The following SGCZ variants were observed in gnomAD, a reference collection of about 807,000 sequenced individuals.
The protein encoded by SGCZ is sarcoglycan zeta, also known as zeta-sarcoglycan.
SGCZ carries 40 observed loss-of-function variants against 41.3 expected under a neutral mutation model. The ratio of observed to expected loss-of-function variants is 0.97; its 90% CI spans 0.75 to 1.26. SGCZ has a LOEUF of 1.26. Among genes scored for constraint, SGCZ ranks in the 50% most tolerant of loss-of-function variants. The pLI, the probability that SGCZ is intolerant of heterozygous loss-of-function variation, is 0.00. For missense variants in SGCZ, 552 were observed against 369.8 expected (o/e 1.49, Z -4.04); for synonymous variants, 206 against 137.5 (o/e 1.50, Z -3.49).
At chr8:14,329,042 TG>T (rs1802223614) in intron 2 of SGCZ, among the ~76,000 whole-genome samples, 1 of 150,918 alleles carries the variant, frequency 6.6e-6, no homozygotes, top group South Asian at 2.1e-4. Context: ...CCTTCAAAAC[TG>T]TAAGAAAATA....
intron 1 of SGCZ, among the ~76,000 whole-genome samples, chr8:14,757,990 A>T (rs1390900350): frequency 6.6e-6 from 1 of 152,172 alleles, no homozygotes; most frequent in Non-Finnish European, 1.5e-5. Context: ...ATATATGTAT[A>T]TACCCATGTA....
intron 1 of SGCZ, among the ~76,000 whole-genome samples, chr8:15,105,798 T>C (rs1026088069): frequency 1.3e-5 from 2 of 152,176 alleles, no homozygotes; most frequent in Non-Finnish European, 2.9e-5. Context: ...CTTACCAAAA[T>C]TGGTTTCTAT....
At chr8:14,377,066 T>G (rs998249350) in intron 2 of SGCZ, among the ~76,000 whole-genome samples, 2 of 152,154 alleles carry the variant, frequency 1.3e-5, no homozygotes, top group Non-Finnish European at 2.9e-5. Flanking sequence ...AAGGTGACTC[T>G]TGATGGGCCC....
At chr8:14,853,859 C>A (rs906860338) in intron 1 of SGCZ, among the ~76,000 whole-genome samples, 13 of 151,674 alleles carry the variant, frequency 8.6e-5, no homozygotes, top group African/African-American at 2.9e-4. Flanking sequence ...TCCCAATATC[C>A]AATGCTTTCA....
At position 14,976,055 on chromosome 8, in the gene SGCZ, A is replaced by G. The variant is rs994777422; in HGVS notation, c.39+261530T>C. Among the ~76,000 whole-genome samples, 10 of 148,738 alleles carry G rather than the reference A, an allele frequency of 6.7e-5. 1 individual carries two copies. In the South Asian group the frequency reaches 2.1e-3, roughly 32 times the overall value. Reference sequence around the variant, plus strand: ...TTTTTTTTTCTGAGATGGAGCCTCAATCTGTCGCTCAAGCTGTAGTGCAGT... The same window carrying G: ...TTTTTTTTTCTGAGATGGAGCCTCAGTCTGTCGCTCAAGCTGTAGTGCAGT... On this transcript the variant is annotated intron_variant, in intron 1 of 7. Coordinates refer to ENST00000382080, the MANE Select transcript of SGCZ (RefSeq NM_139167.4).
chr8:14,347,921 A>T (rs1312537715), intron 2 of SGCZ, among the ~76,000 whole-genome samples: 1 of 152,124 alleles, frequency 6.6e-6, no homozygotes. Flanking sequence ...TATTTTCTCT[A>T]AACTGAGAAT....
chr8:15,222,545 T>C (rs1414561468), intron 1 of SGCZ, among the ~76,000 whole-genome samples: 1 of 152,248 alleles, frequency 6.6e-6, no homozygotes, highest in Non-Finnish European at 1.5e-5. Context: ...GTATTAGCTT[T>C]TACCAGTAGT....
chr8:14,498,617 CCTTTT>C (rs1473559933), intron 2 of SGCZ, among the ~76,000 whole-genome samples: 6 of 151,962 alleles, frequency 3.9e-5, no homozygotes, highest in Middle Eastern at 6.8e-3. Context: ...TTCCTTATTT[CCTTTT>C]AACTTTTTCT....
intron 4 of SGCZ, among the ~76,000 whole-genome samples, chr8:14,196,456 T>C (rs1038884926): frequency 6.6e-5 from 10 of 152,112 alleles, no homozygotes; most frequent in Admixed American, 1.3e-4. Flanking sequence ...GCAAAATTTT[T>C]CAGCCACTGT....
chr8:14,788,981 G>A (rs145597479), intron 1 of SGCZ, among the ~76,000 whole-genome samples: 1,731 of 152,106 alleles, frequency 0.011, 15 homozygotes, highest in Middle Eastern at 0.031. Context: ...TAAATTAAAT[G>A]CTTGTTTTAT....
chr8:14,528,725 T>G (rs533358733), intron 2 of SGCZ, among the ~76,000 whole-genome samples: 1 of 151,950 alleles, frequency 6.6e-6, no homozygotes, highest in East Asian at 1.9e-4. Flanking sequence ...CTCTCTGCCC[T>G]GGCCCAATTT....
chr8:14,626,479 G>C (rs1386507857), intron 1 of SGCZ, among the ~76,000 whole-genome samples: 2 of 152,008 alleles, frequency 1.3e-5, no homozygotes, highest in Non-Finnish European at 2.9e-5. Flanking sequence ...AAATTCATCT[G>C]GTGAAGTTCT....
intron 1 of SGCZ, among the ~76,000 whole-genome samples, chr8:14,748,372 A>ATGGGCAAGCAAACAAATAGT (rs1188154694): frequency 6.6e-6 from 1 of 152,176 alleles, no homozygotes; most frequent in East Asian, 1.9e-4. Context: ...GGTGGCATGA[A>ATGGGCAAGCAAACAAATAGT]TGGGCAAGCA....
intron 5 of SGCZ, among the ~76,000 whole-genome samples, chr8:14,147,560 T>G (rs913641543): frequency 2.6e-5 from 4 of 152,048 alleles, no homozygotes; most frequent in Admixed American, 2.6e-4. Context: ...CATCCAAATA[T>G]ATAGAGGAAA....
intron 1 of SGCZ, among the ~76,000 whole-genome samples, chr8:14,689,980 A>G (rs6985612): frequency 0.37 from 55,929 of 152,076 alleles, 12,627 homozygotes; most frequent in African/African-American, 0.63. Context: ...GAATAAGGTT[A>G]GAAAAACAAA....
At chr8:15,042,053 T>C (rs1804118783) in intron 1 of SGCZ, among the ~76,000 whole-genome samples, 1 of 152,202 alleles carries the variant, frequency 6.6e-6, no homozygotes, top group Admixed American at 6.5e-5. Context: ...CTCTTCTCTT[T>C]TTTTGCAGGA....
At chr8:15,064,323 C>A (rs561050978) in intron 1 of SGCZ, among the ~76,000 whole-genome samples, 1 of 152,222 alleles carries the variant, frequency 6.6e-6, no homozygotes, top group African/African-American at 2.4e-5. Flanking sequence ...ATGACATCAT[C>A]ATTTTTTGTC....
chr8:15,227,351 G>A (rs1801811243), intron 1 of SGCZ, among the ~76,000 whole-genome samples: 1 of 152,114 alleles, frequency 6.6e-6, no homozygotes, highest in African/African-American at 2.4e-5. Context: ...TTCATATAAT[G>A]CATATACATA....
chr8:14,186,333 ATCTC>A (rs1431113743), intron 4 of SGCZ, among the ~76,000 whole-genome samples: 3 of 152,188 alleles, frequency 2.0e-5, no homozygotes, highest in Non-Finnish European at 4.4e-5. Flanking sequence ...TTAGCCATGA[ATCTC>A]TCTATTTCCT....
Sources: gnomAD v4.1 joint callset for allele counts (sites outside exome capture counted in the v4.1 genomes callset) on GRCh38, gnomAD v4.1.1 for gene constraint, MANE v1.5 for transcripts, NCBI Gene and HGNC (gene_info 2026-07-23, HGNC 2026-07-21) for gene names.